The following PDE10A variants were observed in gnomAD, a reference collection of about 807,000 sequenced individuals.
PDE10A encodes the protein phosphodiesterase 10A, also known as cAMP and cAMP-inhibited cGMP 3',5'-cyclic phosphodiesterase 10A.
PDE10A carries 39 observed loss-of-function variants against 97.7 expected under a neutral mutation model. The ratio of observed to expected loss-of-function variants is 0.40; its 90% CI spans 0.31 to 0.52. The LOEUF is 0.52. PDE10A is among the 20% of genes least tolerant of loss of function. The pLI is 0.56. For missense variants in PDE10A, 731 were observed against 1,047.8 expected, an observed-to-expected ratio of 0.70 and a Z score of 4.17; for synonymous variants, 371 against 376.8, an observed-to-expected ratio of 0.98 and a Z score of 0.18.
At chr6:165,509,804 A>C (rs547242974) in intron 2 of PDE10A, among the ~76,000 whole-genome samples, 109 of 151,784 alleles carry the variant, frequency 7.2e-4, no homozygotes, top group African/African-American at 2.5e-3. Flanking sequence ...CTCCTGGTTA[A>C]ATTTATTCTT....
intron 1 of PDE10A, among the ~76,000 whole-genome samples, chr6:165,901,755 T>C (rs1313302777): frequency 6.6e-6 from 1 of 152,076 alleles, no homozygotes; most frequent in Non-Finnish European, 1.5e-5. Context: ...TGAGCTGAGA[T>C]TGCGCCGTTG....
At chr6:165,416,524 A>C (rs1280078573) in intron 11 of PDE10A, among the ~76,000 whole-genome samples, 1 of 152,220 alleles carries the variant, frequency 6.6e-6, no homozygotes, top group Non-Finnish European at 1.5e-5. Flanking sequence ...TCAAACAATC[A>C]ACTAGTATCC....
chr6:165,451,326 A>T (rs1219627672), intron 3 of PDE10A, among the ~76,000 whole-genome samples: 1 of 152,192 alleles, frequency 6.6e-6, no homozygotes, highest in Non-Finnish European at 1.5e-5. Context: ...AAAGGAATAA[A>T]AAACAGTCCT....
At chr6:165,565,463 G>C (rs1784729398) in intron 1 of PDE10A, among the ~76,000 whole-genome samples, 1 of 152,090 alleles carries the variant, frequency 6.6e-6, no homozygotes, top group Non-Finnish European at 1.5e-5. Flanking sequence ...TAAATAAGTG[G>C]ATACATATTC....
At position 165,655,088 on chromosome 6, in the gene PDE10A, G is replaced by A. The variant is rs561545945; in HGVS notation, c.865+6859C>T. On this transcript the variant is annotated intron_variant, in intron 1 of 21. Transcript: ENST00000539869. This position sits in a 1 kb window ranked among gnomAD's most constrained non-coding sequence, Gnocchi z 4.5. Reference sequence around the variant, plus strand: ...AGCACAGAATTCCAGCGGGCCGTCCGTTCGCGTGTCAAACTTCAGCCAGGC... The same window carrying A: ...AGCACAGAATTCCAGCGGGCCGTCCATTCGCGTGTCAAACTTCAGCCAGGC... 5.3e-5 allele frequency among the ~76,000 whole-genome samples: 8 copies of A among 152,198 alleles called. No homozygotes were observed. The highest frequency in any genetic ancestry group is 4.2e-4 in the South Asian group (2 of 4,816).
rs868820382 is a variant in PDE10A at position 165,573,894 on chromosome 6, G to A, written c.866-30326C>T. Among the ~76,000 whole-genome samples, 7 of 152,322 alleles carry A rather than the reference G, an allele frequency of 4.6e-5. No homozygotes were observed. The East Asian group carries it at 5.8e-4, about 13-fold the overall frequency. On this transcript the variant is annotated intron_variant, in intron 1 of 21. Coordinates refer to ENST00000539869, the MANE Select transcript of PDE10A (RefSeq NM_001385079.1). ...CTGACATCAGGGGAAGACTGTGTGCGTCAGCCGGCCCAGTAGGGACCCCTG... is the reference window on the plus strand; with the variant it reads ...CTGACATCAGGGGAAGACTGTGTGCATCAGCCGGCCCAGTAGGGACCCCTG...
chr6:165,384,682 G>T (rs1424078267), intron 17 of PDE10A, among the ~76,000 whole-genome samples: 1 of 129,402 alleles, frequency 7.7e-6, no homozygotes, highest in Non-Finnish European at 1.6e-5. Context: ...GGGGGGGGGC[G>T]ACTAAAGGTT....
intron 1 of PDE10A, among the ~76,000 whole-genome samples, chr6:165,750,727 T>A (rs1314029957): frequency 6.6e-6 from 1 of 152,020 alleles, no homozygotes; most frequent in Non-Finnish European, 1.5e-5. Flanking sequence ...TCTGTTTCTG[T>A]TGGCCAGTTC....
chr6:165,461,322 G>A (rs1778316603), intron 3 of PDE10A, among the ~76,000 whole-genome samples: 2 of 152,016 alleles, frequency 1.3e-5, no homozygotes, highest in Non-Finnish European at 2.9e-5. Flanking sequence ...ACTGTAAATG[G>A]CTTGCATTTA....
intron 3 of PDE10A, 78 bp downstream of exon 3, chr6:165,482,237 T>C (rs1779646245): frequency 1.1e-6 from 1 of 943,672 alleles, no homozygotes; most frequent in East Asian, 2.4e-5. Flanking sequence ...TACTTTAATG[T>C]GTTAGAGTAC....
At chr6:165,333,485 T>C (rs1194737201) in intron 21 of PDE10A, among the ~76,000 whole-genome samples, 1 of 152,074 alleles carries the variant, frequency 6.6e-6, no homozygotes, top group Non-Finnish European at 1.5e-5. Flanking sequence ...AAGGAGGTGG[T>C]CCCAGAGCAG....
chr6:165,676,378 T>G (rs1433795474), intron 1 of PDE10A, among the ~76,000 whole-genome samples: 1 of 152,222 alleles, frequency 6.6e-6, no homozygotes, highest in Non-Finnish European at 1.5e-5. Flanking sequence ...CTTCAATTTA[T>G]AAAAGTAAAC....
intron 1 of PDE10A, among the ~76,000 whole-genome samples, chr6:165,568,731 T>C (rs1169855927): frequency 2.0e-5 from 3 of 151,904 alleles, no homozygotes; most frequent in Non-Finnish European, 4.4e-5. Flanking sequence ...AGTTAAAGGG[T>C]GCAAGTTCTT....
chr6:165,597,619 A>C (rs1240318744), intron 1 of PDE10A, among the ~76,000 whole-genome samples: 1 of 152,238 alleles, frequency 6.6e-6, no homozygotes, highest in Non-Finnish European at 1.5e-5. Flanking sequence ...ATAAACAAAG[A>C]CTTACGTGCA....
intron 18 of PDE10A, among the ~76,000 whole-genome samples, chr6:165,356,200 C>T (rs553816234): frequency 3.5e-4 from 53 of 152,056 alleles, no homozygotes; most frequent in South Asian, 1.7e-3. Context: ...GATTACAATC[C>T]GAGATGAGAT....
At chr6:165,464,508 G>A (rs1778519731) in intron 3 of PDE10A, among the ~76,000 whole-genome samples, 1 of 152,130 alleles carries the variant, frequency 6.6e-6, no homozygotes, top group South Asian at 2.1e-4. Context: ...GTATTAACTA[G>A]ATGTTAATAT....
At chr6:165,481,007 G>GA (rs1779576939) in intron 3 of PDE10A, among the ~76,000 whole-genome samples, 1 of 152,146 alleles carries the variant, frequency 6.6e-6, no homozygotes, top group African/African-American at 2.4e-5. Context: ...TAATAGCGAA[G>GA]AAAAATCACT....
At chr6:165,636,276 T>C (rs1788870680) in intron 1 of PDE10A, among the ~76,000 whole-genome samples, 1 of 152,106 alleles carries the variant, frequency 6.6e-6, no homozygotes, top group Non-Finnish European at 1.5e-5. Context: ...GTTCACTGGC[T>C]ATGTGAAAAG....
At chr6:165,462,573 C>T (rs1457362915) in intron 3 of PDE10A, among the ~76,000 whole-genome samples, 2 of 152,124 alleles carry the variant, frequency 1.3e-5, no homozygotes, top group Admixed American at 1.3e-4. Flanking sequence ...GGGAGGATCC[C>T]GAGGACCCCC....
Sources: allele counts gnomAD v4.1 joint callset (sites outside exome capture counted in the v4.1 genomes callset), GRCh38; gene constraint gnomAD v4.1.1; non-coding constraint Gnocchi (gnomAD v3.1); transcripts MANE v1.5; gene names NCBI Gene and HGNC (gene_info 2026-07-23, HGNC 2026-07-21).